C5: variants seen among roughly 807,000 people sequenced by gnomAD.
C5 encodes the protein C3 and PZP-like alpha-2-macroglobulin domain-containing protein 4.
A neutral mutation model predicts 218.8 loss-of-function variants in C5; 140 were observed. The ratio of observed to expected loss-of-function variants is 0.64; its 90% confidence interval spans 0.56 to 0.74. The LOEUF is 0.74. Among genes scored for constraint, C5 ranks in the 30% least tolerant of loss-of-function variants. The pLI, the probability that C5 is intolerant of heterozygous loss-of-function variation, is 0.00. For synonymous variants in C5, 614 were observed against 682.3 expected, an observed-to-expected ratio of 0.90 and a Z score of 1.56; for missense variants, 1,700 against 1,969.6, an observed-to-expected ratio of 0.86 and a Z score of 2.59.
intron 9 of C5, 46 bp from the exon 10 acceptor site, chr9:121,023,565 TG>T: frequency 9.9e-7 from 1 of 1,013,476 alleles, no homozygotes; most frequent in Non-Finnish European, 1.6e-6. Flanking sequence ...AGGAGTATCA[TG>T]ATCTGTATGG....
Position 120,952,725 on chromosome 9 carries a change from G to T in C5, c.*14C>A. The T allele has an allele frequency of 1.2e-6, 2 of 1,611,344 alleles. No individual in the cohort carries two copies. Among genetic ancestry groups the T allele is most frequent in the South Asian group, 2.2e-5 (2 of 90,928 alleles). On this transcript the variant is annotated 3_prime_UTR_variant, in exon 41 of 41. Coordinates refer to ENST00000223642, the MANE Select transcript of C5 (RefSeq NM_001735.3). ...CCATAAGTGCAAACTGTATGCAGCT[G>T]AACTTCAGGAATTTTAGCATCCATT... is the stretch of plus-strand genomic sequence containing the variant.
chr9:120,967,602 A>G (rs943014246), intron 33 of C5, among the ~76,000 whole-genome samples: 1 of 152,212 alleles, frequency 6.6e-6, no homozygotes, highest in African/African-American at 2.4e-5. Flanking sequence ...GGGACGATGG[A>G]AAGAACAGGG....
chr9:120,953,984 G>T, intron 39 of C5, 116 bp from the exon 40 acceptor site: 1 of 1,024,026 alleles, frequency 9.8e-7, no homozygotes, highest in Non-Finnish European at 1.5e-6. Flanking sequence ...CTAGTGGACA[G>T]CCGTGATATC....
At chr9:121,006,258 ACTT>A (rs1352429261) in intron 19 of C5, among the ~76,000 whole-genome samples, 200 bp from the exon 20 acceptor site, 6 of 152,214 alleles carry the variant, frequency 3.9e-5, no homozygotes, top group African/African-American at 1.4e-4. Context: ...TTAACAAAAA[ACTT>A]CATTTATTCA....
intron 22 of C5, 130 bp from the exon 23 acceptor site, chr9:120,991,410 A>T: frequency 1.6e-6 from 1 of 643,810 alleles, no homozygotes; most frequent in South Asian, 1.8e-5. Context: ...TAAAATTTTA[A>T]AAGAAAGTTA....
chr9:121,045,984 C>T (rs41307968), intron 2 of C5, among the ~76,000 whole-genome samples: 6 of 151,966 alleles, frequency 3.9e-5, no homozygotes, highest in African/African-American at 1.4e-4. Context: ...ATGCATTGCT[C>T]AAAAAGCAGA....
At chr9:121,046,110 A>G in intron 2 of C5, 81 bp downstream of exon 2, 1 of 687,996 alleles carries the variant, frequency 1.5e-6, no homozygotes, top group Non-Finnish European at 2.4e-6. Flanking sequence ...TCTATATGTT[A>G]TCAATATTCA....
At chr9:121,071,263 T>G in the C5 span, among the ~76,000 whole-genome samples, 7 of 151,950 alleles carry the variant, frequency 4.6e-5, no homozygotes, top group Non-Finnish European at 2.9e-5. Flanking sequence ...GAGGTTGCAG[T>G]GAGCCATGAT....
At chr9:121,021,123 G>A (rs1242165466) in intron 11 of C5, among the ~76,000 whole-genome samples, 1 of 152,124 alleles carries the variant, frequency 6.6e-6, no homozygotes, top group East Asian at 1.9e-4. Flanking sequence ...AATGGTTTCT[G>A]TAGTTAGAAA....
the C5 span, among the ~76,000 whole-genome samples, chr9:121,068,480 G>A: frequency 6.6e-6 from 1 of 151,724 alleles, no homozygotes. Flanking sequence ...AATTGAAGAG[G>A]GTACAAACAA....
chr9:120,957,377 A>C lies in C5; in HGVS notation c.4679-9T>G, dbSNP rs1258017225. 2 of 1,605,986 alleles carry C rather than the reference A, an allele frequency of 1.2e-6. No homozygotes were observed. The highest frequency in any genetic ancestry group is 4.5e-5 in the East Asian group (2 of 44,752). On this transcript the variant is annotated splice_polypyrimidine_tract_variant and intron_variant, in intron 38 of 40. Transcript: ENST00000223642. ...GATGCTAACTTTATAAGCTGGCAAA[A>C]GACAAACAACAATGAAACAATTCAG...
At chr9:120,975,048 G>C (rs2046943197) in intron 29 of C5, 117 bp from the exon 30 acceptor site, 1 of 1,095,524 alleles carries the variant, frequency 9.1e-7, no homozygotes, top group Non-Finnish European at 1.4e-6. Context: ...AACTCCAGCT[G>C]ACTCAGTAAG....
At chr9:121,014,447 C>A (rs998535006) in intron 16 of C5, among the ~76,000 whole-genome samples, 1 of 152,142 alleles carries the variant, frequency 6.6e-6, no homozygotes, top group Non-Finnish European at 1.5e-5. Flanking sequence ...AGATGGCTAT[C>A]ATCACTATAC....
chr9:120,996,173 A>G, intron 22 of C5, 67 bp downstream of exon 22: 1 of 1,196,704 alleles, frequency 8.4e-7, no homozygotes, highest in Non-Finnish European at 1.2e-6. Flanking sequence ...TAGTGTTTTA[A>G]GTTACATACA....
At chr9:121,067,787 C>A in the C5 span, among the ~76,000 whole-genome samples, 23 of 152,118 alleles carry the variant, frequency 1.5e-4, no homozygotes, top group African/African-American at 4.6e-4. Flanking sequence ...TGTGGCACTT[C>A]CCCTCTCCTC....
intron 7 of C5, 24 bp from the exon 8 acceptor site, chr9:121,027,298 G>A (rs2047432603): frequency 9.2e-7 from 1 of 1,085,476 alleles, no homozygotes; most frequent in Admixed American, 1.8e-5. Context: ...GCATAAAACT[G>A]TTTTACTAAC....
chr9:121,046,488 AT>A, intron 1 of C5, 105 bp from the exon 2 acceptor site: 1 of 770,262 alleles, frequency 1.3e-6, no homozygotes. Context: ...AAATACATAT[AT>A]TTCCTCACTT....
chr9:120,989,789 A>G lies in C5; in HGVS notation c.2942-9T>C, dbSNP rs993083798. The G allele has an allele frequency of 6.2e-7, 1 of 1,608,382 alleles. No homozygotes were observed. The highest frequency in any genetic ancestry group is 8.5e-7 in the Non-Finnish European group (1 of 1,174,778). On this transcript the variant is annotated splice_polypyrimidine_tract_variant and intron_variant, in intron 23 of 40. Transcript: ENST00000223642. The stretch of plus-strand genomic sequence containing the variant: ...CTCACCTACAAGCAGTCCTGAAACA[A>G]AAAAGATCAAAGTAGACACATTGCT...
chr9:120,968,897 T>C (rs1488069557), intron 33 of C5, among the ~76,000 whole-genome samples, 164 bp downstream of exon 33: 1 of 152,250 alleles, frequency 6.6e-6, no homozygotes. Flanking sequence ...GGCTGTTTTT[T>C]ATGGTAAGTA....
Sources: gnomAD v4.1 joint callset for allele counts (sites outside exome capture counted in the v4.1 genomes callset) on GRCh38, gnomAD v4.1.1 for gene constraint, MANE v1.5 for transcripts, NCBI Gene and HGNC (gene_info 2026-07-23, HGNC 2026-07-21) for gene names.